RAB5A: variants seen among roughly 807,000 people sequenced by gnomAD.
RAB5A encodes RAB5A, member RAS oncogene family.
A neutral mutation model predicts 25.7 loss-of-function variants in RAB5A; 8 were observed. The ratio of observed to expected loss-of-function variants is 0.31; its 90% confidence interval spans 0.18 to 0.56. The LOEUF is 0.56. Among genes scored for constraint, RAB5A ranks in the 20% least tolerant of loss-of-function variants. The pLI is 0.91. For missense variants in RAB5A, 192 were observed against 259.7 expected, an observed-to-expected ratio of 0.74 and a Z score of 1.79; for synonymous variants, 98 against 89.8, an observed-to-expected ratio of 1.09 and a Z score of -0.52.
chr3:19,957,861 A>G (rs912890902), intron 2 of RAB5A, among the ~76,000 whole-genome samples: 2 of 152,160 alleles, frequency 1.3e-5, no homozygotes, highest in African/African-American at 4.8e-5. Flanking sequence ...ATACATAACG[A>G]TTTTTATTTT....
intron 4 of RAB5A, 93 bp downstream of exon 4, chr3:19,976,262 A>G (rs1696823656): frequency 3.7e-6 from 5 of 1,346,358 alleles, no homozygotes; most frequent in South Asian, 1.5e-5. Context: ...TGTCAAAACC[A>G]TGCAAGTAAT....
In RAB5A at chr3:19,947,267, CG is replaced by C. The variant is rs1290295854; in HGVS notation, c.-346del. 1.8e-5 allele frequency: 1 copy of C among 56,716 alleles called. No homozygotes were observed. Among genetic ancestry groups the C allele is most frequent in the Non-Finnish European group, 2.9e-5 (1 of 34,534 alleles). 3.5% of individuals were successfully genotyped at this position (56,716 alleles called of 1,614,324 possible). On this transcript the variant is annotated 5_prime_UTR_variant, in exon 1 of 6. Coordinates refer to ENST00000273047, the MANE Select transcript of RAB5A (RefSeq NM_004162.5). ...GAAGAATTAGTCGGAACTCCAGCGC[CG>C]GCGGCGGCGGCGGCGGCGGAGGAGG...
intron 2 of RAB5A, among the ~76,000 whole-genome samples, chr3:19,968,266 T>A (rs1696688437): frequency 6.6e-6 from 1 of 152,224 alleles, no homozygotes. Context: ...GGGATTGTTT[T>A]TTTAAAGGTA....
At chr3:19,980,516 C>CTGTG (rs1696904700) in intron 5 of RAB5A, among the ~76,000 whole-genome samples, 1 of 150,938 alleles carries the variant, frequency 6.6e-6, no homozygotes, top group Non-Finnish European at 1.5e-5. Flanking sequence ...ACACAGTGCA[C>CTGTG]TCATAACAAC....
rs958319571 is a variant in RAB5A, at chr3:19,947,494, C to T, written c.-121C>T. 1.3e-5 allele frequency: 2 copies of T among 153,034 alleles called. No homozygotes were observed. The highest frequency in any genetic ancestry group is 1.9e-4 in the East Asian group (1 of 5,148). 9.5% of individuals were successfully genotyped at this position (153,034 alleles called of 1,614,324 possible). A position where few individuals can be genotyped will look rare whatever the true frequency, so the allele number is the denominator to read the frequency against. ...GGCCTTGCTGCCAGGAAGCTTCGGCCCCGCAGCTCGGCTTGCTGCGGTCTC... is the reference window on the plus strand; with the variant it reads ...GGCCTTGCTGCCAGGAAGCTTCGGCTCCGCAGCTCGGCTTGCTGCGGTCTC... On this transcript the variant is annotated 5_prime_UTR_variant, in exon 1 of 6. Transcript: ENST00000273047.
intron 5 of RAB5A, among the ~76,000 whole-genome samples, chr3:19,982,753 C>G (rs2125134305): frequency 7.0e-6 from 1 of 143,762 alleles, no homozygotes; most frequent in African/African-American, 2.7e-5. Flanking sequence ...CAGAGTGAGA[C>G]CTTGTCTCTT....
intron 2 of RAB5A, 150 bp from the exon 3 acceptor site, chr3:19,975,451 T>G: frequency 1.5e-6 from 1 of 653,840 alleles, no homozygotes; most frequent in Non-Finnish European, 2.4e-6. Flanking sequence ...TTTTCCCCCC[T>G]CATTTATTAC....
chr3:19,973,548 G>A (rs1414053124), intron 2 of RAB5A, among the ~76,000 whole-genome samples: 4 of 151,858 alleles, frequency 2.6e-5, no homozygotes, highest in Admixed American at 6.6e-5. Flanking sequence ...AGAACCTCTC[G>A]TGACCTTCAA....
chr3:19,981,595 C>T (rs1399185898), intron 5 of RAB5A, among the ~76,000 whole-genome samples: 2 of 149,492 alleles, frequency 1.3e-5, no homozygotes, highest in African/African-American at 2.5e-5. Context: ...GCCTGGGTGA[C>T]AGAGCGAGAC....
At chr3:19,948,342 G>A (rs1457439492) in intron 1 of RAB5A, among the ~76,000 whole-genome samples, 2 of 152,100 alleles carry the variant, frequency 1.3e-5, no homozygotes, top group African/African-American at 4.8e-5. Context: ...TACACCTCTG[G>A]GAATACTCAA....
intron 5 of RAB5A, among the ~76,000 whole-genome samples, chr3:19,979,593 C>G (rs1696884150): frequency 6.6e-6 from 1 of 152,224 alleles, no homozygotes; most frequent in South Asian, 2.1e-4. Flanking sequence ...CCCTAAGGTA[C>G]TTTTAACTGA....
intron 4 of RAB5A, among the ~76,000 whole-genome samples, chr3:19,977,321 G>A (rs985058701): frequency 7.9e-5 from 12 of 152,158 alleles, no homozygotes; most frequent in South Asian, 4.1e-4. Context: ...TGATCCACCC[G>A]CCTCCGCCTC....
At position 19,947,285 on chromosome 3, in the gene RAB5A, CGGA is replaced by C. The variant is rs1234967340; in HGVS notation, c.-322_-320del. The C allele has an allele frequency of 4.9e-5, 9 of 183,382 alleles. No homozygotes were observed. Among genetic ancestry groups the C allele is most frequent in the East Asian group, 3.9e-4 (2 of 5,148 alleles). The allele number at this position is 183,382 out of a possible 1,614,324, so 11.4% of individuals were successfully genotyped here. A position where few individuals can be genotyped will look rare whatever the true frequency, so the allele number is the denominator to read the frequency against. On this transcript the variant is annotated 5_prime_UTR_variant, in exon 1 of 6. Coordinates refer to ENST00000273047, the MANE Select transcript of RAB5A (RefSeq NM_004162.5). ...CCAGCGCCGGCGGCGGCGGCGGCGG[CGGA>C]GGAGGAGAAAGGAAAGAGGAAGGGG... is the stretch of plus-strand genomic sequence containing the variant.
At chr3:19,947,761 T>G (rs1455894167) in intron 1 of RAB5A, 1 of 152,280 alleles carries the variant, frequency 6.6e-6, no homozygotes, top group Non-Finnish European at 1.5e-5. Context: ...GCGACGGGTG[T>G]CACCCTTTCC....
rs1278529784 is a variant in RAB5A, at chr3:19,963,371, C to A, written c.164-12230C>A. 5.1e-5 allele frequency among the ~76,000 whole-genome samples: 6 copies of A among 117,950 alleles called. No individual in the cohort carries two copies. The South Asian group carries it at 1.9e-3, about 36-fold the overall frequency. The allele number at this position is 117,950 out of a possible 152,430, so 77.4% of individuals were successfully genotyped here. On this transcript the variant is annotated intron_variant, in intron 2 of 5. Transcript: ENST00000273047. The stretch of plus-strand genomic sequence containing the variant: ...GGGATATCTTAGAATTTCACCCCCC[C>A]CCCCCCCGACTTATTTTCGTAAGAT...
At chr3:19,953,450 C>T (rs186129168) in intron 2 of RAB5A, among the ~76,000 whole-genome samples, 150 of 150,802 alleles carry the variant, frequency 9.9e-4, no homozygotes, top group African/African-American at 3.5e-3. Context: ...CTCTGTCGCC[C>T]AGGCTGGAGT....
rs752373114 is a variant in RAB5A, at chr3:19,977,073, CT to C, written c.438+920del. Among the ~76,000 whole-genome samples, 1,064 of 141,456 alleles carry C rather than the reference CT, an allele frequency of 7.5e-3. 3 individuals are homozygous for C. Among genetic ancestry groups the C allele is most frequent in the African/African-American group, 0.012 (459 of 38,784 alleles). The allele number at this position is 141,456 out of a possible 152,430, so 92.8% of individuals were successfully genotyped here. A position where few individuals can be genotyped will look rare whatever the true frequency, so the allele number is the denominator to read the frequency against. On this transcript the variant is annotated intron_variant, in intron 4 of 5. Coordinates refer to ENST00000273047, the MANE Select transcript of RAB5A (RefSeq NM_004162.5). ...AAACAAAGCAAGTCCTCTATTTAGA[CT>C]TTTTTTTTTTTTTTTAAGATGGAGT... is the stretch of plus-strand genomic sequence containing the variant.
intron 2 of RAB5A, among the ~76,000 whole-genome samples, chr3:19,969,211 A>G (rs1696709699): frequency 6.6e-6 from 1 of 151,612 alleles, no homozygotes; most frequent in South Asian, 2.1e-4. Context: ...CGTCCGGCTA[A>G]TTTTTGTATT....
intron 5 of RAB5A, among the ~76,000 whole-genome samples, chr3:19,982,370 TGTGA>T (rs1220950155): frequency 6.6e-6 from 1 of 152,214 alleles, no homozygotes; most frequent in Non-Finnish European, 1.5e-5. Flanking sequence ...TATGTTTGTG[TGTGA>T]GTATGTTTCC....
Sources: gnomAD v4.1 joint callset for allele counts (sites outside exome capture counted in the v4.1 genomes callset) on GRCh38, gnomAD v4.1.1 for gene constraint, MANE v1.5 for transcripts, NCBI Gene and HGNC (gene_info 2026-07-23, HGNC 2026-07-21) for gene names.